SOX6: variants seen among roughly 807,000 people sequenced by gnomAD.
SOX6 encodes the protein transcription factor SOX-6.
Under a neutral mutation model 97.8 loss-of-function variants are expected in SOX6, and 11 were observed. The ratio of observed to expected loss-of-function variants is 0.11; its 90% CI spans 0.07 to 0.19. The LOEUF (loss-of-function observed/expected upper bound fraction) is 0.19, where lower values mean the gene tolerates loss of function less well. Ranked by LOEUF, SOX6 falls within the 10% of genes least tolerant of loss-of-function variation. The pLI, the probability that SOX6 is intolerant of heterozygous loss-of-function variation, is 1.00. For missense variants in SOX6, 810 were observed against 1,039.5 expected, an observed-to-expected ratio of 0.78 and a Z score of 3.04; for synonymous variants, 360 against 371.4, an observed-to-expected ratio of 0.97 and a Z score of 0.35.
chr11:16,509,928 G>A (rs1400824086), intron 4 of SOX6, among the ~76,000 whole-genome samples: 2 of 151,956 alleles, frequency 1.3e-5, no homozygotes, highest in Non-Finnish European at 2.9e-5. Flanking sequence ...CATTTTTACT[G>A]GACATTTCAT....
Position 16,154,053 on chromosome 11 carries a change from A to G in SOX6, c.777+29833T>C, listed in dbSNP as rs184370701. Among the ~76,000 whole-genome samples, 364 of 152,234 alleles carry G rather than the reference A, an allele frequency of 2.4e-3. 5 individuals are homozygous for G. The highest frequency in any genetic ancestry group is 0.02 in the Admixed American group (302 of 15,272). ...ATGGCAATTTATTCCTCCCAGCTCA[A>G]ATCACATTCCTGTCTTCATTACAGT... On this transcript the variant is annotated intron_variant, in intron 6 of 15. Coordinates refer to ENST00000683767, the MANE Select transcript of SOX6 (RefSeq NM_001367873.1).
chr11:15,984,962 A>G (rs1358710345), intron 15 of SOX6, among the ~76,000 whole-genome samples: 1 of 152,164 alleles, frequency 6.6e-6, no homozygotes, highest in Non-Finnish European at 1.5e-5. Context: ...TCCACTATTC[A>G]TTTCATTTTA....
intron 3 of SOX6, among the ~76,000 whole-genome samples, chr11:16,653,424 T>C (rs547962636): frequency 6.6e-6 from 1 of 152,154 alleles, no homozygotes. Flanking sequence ...ATATACACCA[T>C]GGAATAACGA....
intron 2 of SOX6, among the ~76,000 whole-genome samples, chr11:16,331,384 A>G (rs908677371): frequency 6.6e-6 from 1 of 152,134 alleles, no homozygotes; most frequent in African/African-American, 2.4e-5. Flanking sequence ...AGTTTGCCTA[A>G]AGAAGAGAGT....
At chr11:16,190,334 C>T (rs1007898888) in intron 4 of SOX6, among the ~76,000 whole-genome samples, 4 of 152,132 alleles carry the variant, frequency 2.6e-5, no homozygotes, top group East Asian at 3.9e-4. Context: ...AGTCAACCCC[C>T]GCTATCTATA....
At chr11:16,394,215 T>C (rs1858275528) in intron 1 of SOX6, among the ~76,000 whole-genome samples, 1 of 151,866 alleles carries the variant, frequency 6.6e-6, no homozygotes, top group Non-Finnish European at 1.5e-5. Flanking sequence ...CCATAGTCAT[T>C]TACTGCTCTA....
At chr11:16,426,439 G>T (rs1043447037) in intron 1 of SOX6, among the ~76,000 whole-genome samples, 9 of 151,934 alleles carry the variant, frequency 5.9e-5, no homozygotes, top group Non-Finnish European at 1.0e-4. Flanking sequence ...AAACAGCATG[G>T]TACTGGCACA....
At chr11:16,573,980 AAAG>A (rs1238344209) in intron 4 of SOX6, among the ~76,000 whole-genome samples, 3 of 152,164 alleles carry the variant, frequency 2.0e-5, no homozygotes, top group Non-Finnish European at 4.4e-5. Context: ...GGGAGATGTT[AAAG>A]AAGACTAAAA....
intron 4 of SOX6, among the ~76,000 whole-genome samples, chr11:16,492,612 T>C (rs1276675639): frequency 6.6e-6 from 1 of 152,180 alleles, no homozygotes; most frequent in Non-Finnish European, 1.5e-5. Context: ...AGGAGGCTTT[T>C]TCCTTCTTCC....
intron 4 of SOX6, among the ~76,000 whole-genome samples, chr11:16,189,709 A>G (rs1851579065): frequency 6.6e-6 from 1 of 152,140 alleles, no homozygotes; most frequent in Admixed American, 6.5e-5. Context: ...AAGACATGAG[A>G]TAAATGGGAT....
intron 3 of SOX6, among the ~76,000 whole-genome samples, chr11:16,257,062 G>C (rs1479663669): frequency 1.3e-5 from 2 of 151,758 alleles, no homozygotes; most frequent in Non-Finnish European, 3.0e-5. Flanking sequence ...TATTAAGGAA[G>C]AACTAAATAA....
chr11:16,216,450 C>A (rs962198834), intron 4 of SOX6, among the ~76,000 whole-genome samples: 10 of 151,950 alleles, frequency 6.6e-5, no homozygotes, highest in Non-Finnish European at 1.2e-4. Context: ...ATGTTCCAAC[C>A]AAAAAGCTTT....
intron 3 of SOX6, among the ~76,000 whole-genome samples, chr11:16,266,569 T>G (rs1353370729): frequency 6.6e-6 from 1 of 151,554 alleles, no homozygotes; most frequent in African/African-American, 2.4e-5. Context: ...AATTTGCTGT[T>G]TAGAGCAAAA....
intron 4 of SOX6, among the ~76,000 whole-genome samples, chr11:16,197,678 A>C (rs1203385048): frequency 1.3e-5 from 2 of 152,222 alleles, no homozygotes; most frequent in Non-Finnish European, 2.9e-5. Flanking sequence ...ATATCTCATC[A>C]GTGTATTATG....
intron 4 of SOX6, among the ~76,000 whole-genome samples, chr11:16,227,323 G>A (rs976034174): frequency 2.0e-5 from 3 of 152,072 alleles, no homozygotes; most frequent in African/African-American, 7.2e-5. Flanking sequence ...GGGATACCCT[G>A]TACAACATCT....
intron 7 of SOX6, among the ~76,000 whole-genome samples, chr11:16,103,265 TA>T (rs1012812379): frequency 2.0e-5 from 3 of 151,086 alleles, no homozygotes; most frequent in African/African-American, 7.3e-5. Flanking sequence ...AATGATCATA[TA>T]AAAAAAAGCT....
At chr11:16,286,184 A>G (rs1854737028) in intron 3 of SOX6, among the ~76,000 whole-genome samples, 1 of 152,138 alleles carries the variant, frequency 6.6e-6, no homozygotes, top group African/African-American at 2.4e-5. Flanking sequence ...ACAGATTTCC[A>G]GGGTCCACGG....
intron 13 of SOX6, 115 bp from the exon 14 acceptor site, chr11:15,989,345 A>G: frequency 1.3e-6 from 1 of 772,926 alleles, no homozygotes; most frequent in Non-Finnish European, 2.0e-6. Flanking sequence ...CTTCTTTTCT[A>G]AGTGACTTCT....
intron 3 of SOX6, among the ~76,000 whole-genome samples, chr11:16,703,452 G>T (rs868756080): frequency 2.0e-5 from 3 of 152,188 alleles, no homozygotes; most frequent in Middle Eastern, 6.8e-3. Context: ...AGACCTCTGT[G>T]CCAAGTTCTA....
Sources: allele counts gnomAD v4.1 joint callset (sites outside exome capture counted in the v4.1 genomes callset), GRCh38; gene constraint gnomAD v4.1.1; transcripts MANE v1.5; gene names NCBI Gene and HGNC (gene_info 2026-07-23, HGNC 2026-07-21).